MRAS: variants seen among roughly 807,000 people sequenced by gnomAD.
MRAS encodes muscle RAS oncogene homolog, also known as ras-related protein M-Ras.
A neutral mutation model predicts 20.9 loss-of-function variants in MRAS; 4 were observed. The observed-to-expected ratio is 0.19, with a 90% CI of 0.09 to 0.44. MRAS has a LOEUF of 0.44. MRAS is among the 20% of genes least tolerant of loss of function. MRAS has a pLI of 0.99. For missense variants in MRAS, 154 were observed against 277.5 expected (o/e 0.56, Z 3.16); for synonymous variants, 98 against 102.9 (o/e 0.95, Z 0.29).
At chr3:138,386,221 C>A (rs2055010361) in intron 2 of MRAS, among the ~76,000 whole-genome samples, 2 of 151,974 alleles carry the variant, frequency 1.3e-5, no homozygotes, top group African/African-American at 4.8e-5. Flanking sequence ...CGTATTCATC[C>A]CCAACCCTGC....
chr3:138,402,538 C>T lies in MRAS; in HGVS notation c.*269C>T, dbSNP rs1042006605. 1.1e-4 allele frequency: 45 copies of T among 396,326 alleles called. No homozygotes were observed. The highest frequency in any genetic ancestry group is 1.8e-4 in the African/African-American group (9 of 48,714). 24.6% of individuals were successfully genotyped at this position (396,326 alleles called of 1,614,324 possible). On this transcript the variant is annotated 3_prime_UTR_variant, in exon 6 of 6. Transcript: ENST00000423968. ...GGCCCCCCCATGTGTTGATTCAACC[C>T]GGTTCCTCCCCCTCTCTCGGTGGGT...
intron 1 of MRAS, among the ~76,000 whole-genome samples, chr3:138,365,852 G>A (rs1042082606): frequency 3.3e-5 from 5 of 152,180 alleles, no homozygotes; most frequent in Admixed American, 2.0e-4. Context: ...GGGAATGGGG[G>A]GGAGCAGCAC....
At chr3:138,383,939 A>G (rs1218383739) in intron 2 of MRAS, among the ~76,000 whole-genome samples, 1 of 152,170 alleles carries the variant, frequency 6.6e-6, no homozygotes, top group East Asian at 1.9e-4. Context: ...GGCTTTCCTG[A>G]TAAGGGAATG....
At chr3:138,351,083 C>G (rs1265515592) in intron 1 of MRAS, among the ~76,000 whole-genome samples, 1 of 152,124 alleles carries the variant, frequency 6.6e-6, no homozygotes, top group Non-Finnish European at 1.5e-5. Flanking sequence ...GTCCTAACCT[C>G]AGTCAGAATC....
At chr3:138,351,149 A>G (rs2054219033) in intron 1 of MRAS, among the ~76,000 whole-genome samples, 1 of 152,200 alleles carries the variant, frequency 6.6e-6, no homozygotes, top group Middle Eastern at 3.4e-3. Context: ...TGGCTTCCAT[A>G]ATATATTTCA....
chr3:138,378,793 T>C (rs1382790577), intron 2 of MRAS, among the ~76,000 whole-genome samples: 1 of 152,230 alleles, frequency 6.6e-6, no homozygotes, highest in Non-Finnish European at 1.5e-5. Flanking sequence ...CACTTTGTTC[T>C]ACAACCATCC....
chr3:138,374,224 C>T (rs1341049331), intron 2 of MRAS, among the ~76,000 whole-genome samples: 2 of 152,148 alleles, frequency 1.3e-5, no homozygotes, highest in Non-Finnish European at 2.9e-5. Context: ...GCCTCAGCCT[C>T]TCAAACTGCT....
intron 2 of MRAS, among the ~76,000 whole-genome samples, chr3:138,389,914 C>T (rs2055095014): frequency 7.1e-6 from 1 of 141,514 alleles, no homozygotes; most frequent in Non-Finnish European, 1.6e-5. Flanking sequence ...GGAGCTCATG[C>T]TGTGACTTTT....
chr3:138,386,894 G>A (rs2055027670), intron 2 of MRAS, among the ~76,000 whole-genome samples: 1 of 152,190 alleles, frequency 6.6e-6, no homozygotes, highest in Non-Finnish European at 1.5e-5. Flanking sequence ...ATTTTCATGT[G>A]AAAACTTGCT....
intron 2 of MRAS, 103 bp downstream of exon 2, chr3:138,373,179 C>A: frequency 1.9e-6 from 2 of 1,078,826 alleles, no homozygotes; most frequent in Non-Finnish European, 2.5e-6. Context: ...CTTAATGTTG[C>A]TGTTATGGGA....
intron 1 of MRAS, among the ~76,000 whole-genome samples, chr3:138,361,882 T>G (rs2054455892): frequency 6.6e-6 from 1 of 152,140 alleles, no homozygotes; most frequent in African/African-American, 2.4e-5. Context: ...AGGAAAATAT[T>G]AATAGACCCC....
At position 138,402,557 on chromosome 3, in the gene MRAS, G is replaced by C. The variant is rs1263436361; in HGVS notation, c.*288G>C. The stretch of plus-strand genomic sequence containing the variant: ...TCAACCCGGTTCCTCCCCCTCTCTC[G>C]GTGGGTGTGTTGTTTATTGTAACTA... On this transcript the variant is annotated 3_prime_UTR_variant, in exon 6 of 6. Transcript: ENST00000423968. 5 of 388,936 alleles carry C rather than the reference G, an allele frequency of 1.3e-5. No individual in the cohort carries two copies. The highest frequency in any genetic ancestry group is 1.8e-5 in the Non-Finnish European group (4 of 216,894). The allele number at this position is 388,936 out of a possible 1,614,324, so 24.1% of individuals were successfully genotyped here.
At chr3:138,383,008 CTG>C (rs1371905976) in intron 2 of MRAS, among the ~76,000 whole-genome samples, 1 of 152,208 alleles carries the variant, frequency 6.6e-6, no homozygotes, top group Non-Finnish European at 1.5e-5. Context: ...GCTCCGGTGA[CTG>C]GGGCTCCTCC....
At chr3:138,391,675 A>G (rs566199274) in intron 2 of MRAS, among the ~76,000 whole-genome samples, 1 of 152,364 alleles carries the variant, frequency 6.6e-6, no homozygotes, top group East Asian at 1.9e-4. Context: ...CTCGTTATGT[A>G]TATGCAAATA....
chr3:138,349,106 T>A (rs1162350981), intron 1 of MRAS: 2 of 1,326 alleles, frequency 1.5e-3, no homozygotes, highest in African/African-American at 8.1e-3. Context: ...CGGCGGGGGA[T>A]GGGTGGGTGG....
chr3:138,366,075 C>A (rs368313251), intron 1 of MRAS, among the ~76,000 whole-genome samples: 1 of 152,138 alleles, frequency 6.6e-6, no homozygotes. Context: ...GAGAGTGAAG[C>A]CTTAAGGGAT....
At chr3:138,351,213 G>C (rs2054220371) in intron 1 of MRAS, among the ~76,000 whole-genome samples, 1 of 152,044 alleles carries the variant, frequency 6.6e-6, no homozygotes, top group African/African-American at 2.4e-5. Context: ...CCCAAACAGA[G>C]TGTGTCTCCC....
At chr3:138,361,744 A>G (rs1319419036) in intron 1 of MRAS, among the ~76,000 whole-genome samples, 1 of 152,172 alleles carries the variant, frequency 6.6e-6, no homozygotes, top group African/African-American at 2.4e-5. Flanking sequence ...GGGGAACCCC[A>G]GAGTGTGCAG....
chr3:138,379,163 C>A lies in MRAS; in HGVS notation c.193+6087C>A, dbSNP rs142901307. On this transcript the variant is annotated intron_variant, in intron 2 of 5. Transcript: ENST00000423968. ...TATTTCTGTACCCATTAACCAACTTCTCTTCATCCCCCCACCCACACACCC... is the reference window on the plus strand; with the variant it reads ...TATTTCTGTACCCATTAACCAACTTATCTTCATCCCCCCACCCACACACCC... 9.5e-3 allele frequency among the ~76,000 whole-genome samples: 1,448 copies of A among 152,140 alleles called. 17 individuals carry two copies. The highest frequency in any genetic ancestry group is 0.01 in the Non-Finnish European group (711 of 67,984).
Sources: gnomAD v4.1 joint callset for allele counts (sites outside exome capture counted in the v4.1 genomes callset) on GRCh38, gnomAD v4.1.1 for gene constraint, MANE v1.5 for transcripts, NCBI Gene and HGNC (gene_info 2026-07-23, HGNC 2026-07-21) for gene names.